NDUFS7: variants seen among roughly 807,000 people sequenced by gnomAD.
The protein encoded by NDUFS7 is NADH dehydrogenase [ubiquinone] iron-sulfur protein 7, mitochondrial.
NDUFS7 carries 11 observed loss-of-function variants against 31.1 expected under a neutral mutation model. The ratio of observed to expected loss-of-function variants is 0.35; its 90% CI spans 0.22 to 0.59. The LOEUF is 0.59. Among genes scored for constraint, NDUFS7 ranks in the 20% least tolerant of loss-of-function variants. The pLI, the probability that NDUFS7 is intolerant of heterozygous loss-of-function variation, is 0.79. For missense variants in NDUFS7, 263 were observed against 324.2 expected, an observed-to-expected ratio of 0.81 and a Z score of 1.45; for synonymous variants, 136 against 127.9, an observed-to-expected ratio of 1.06 and a Z score of -0.43.
intron 7 of NDUFS7, chr19:1,394,517 T>C (rs1469183126): frequency 2.0e-5 from 24 of 1,226,490 alleles, no homozygotes; most frequent in Non-Finnish European, 2.5e-5. Flanking sequence ...ACCGTGCTCC[T>C]CCCTCCCTCC....
At chr19:1,395,108 G>C (rs2082587236) in intron 7 of NDUFS7, 2 of 1,338,224 alleles carry the variant, frequency 1.5e-6, no homozygotes, top group Non-Finnish European at 1.9e-6. Context: ...CCGGGGGCCG[G>C]GTTAGTGAGG....
At chr19:1,389,178 T>TGCACACACAA (rs1399043027) in intron 4 of NDUFS7, 1 of 693,292 alleles carries the variant, frequency 1.4e-6, no homozygotes, top group Admixed American at 2.0e-5. Context: ...TGCACACACA[T>TGCACACACAA]GCACACACAA....
At position 1,388,825 on chromosome 19, in the gene NDUFS7, T is replaced by A; in HGVS notation, c.123-8T>A. The stretch of plus-strand genomic sequence containing the variant: ...GACGCCTCCTGTGCCCGTGTGTCTC[T>A]GTGCCAGCACCCAGCCTGCCCTGCC... On this transcript the variant is annotated splice_polypyrimidine_tract_variant and splice_region_variant and intron_variant, in intron 3 of 7. Coordinates refer to ENST00000233627, the MANE Select transcript of NDUFS7 (RefSeq NM_024407.5). 1 of 1,586,608 alleles carries A rather than the reference T, an allele frequency of 6.3e-7. No individual in the cohort carries two copies. The highest frequency in any genetic ancestry group is 1.1e-5 in the South Asian group (1 of 87,412).
chr19:1,395,276 C>T (rs1172529991), intron 7 of NDUFS7, 115 bp from the exon 8 acceptor site: 3 of 1,486,982 alleles, frequency 2.0e-6, no homozygotes, highest in African/African-American at 1.4e-5. Flanking sequence ...GGCTGTCAGC[C>T]TCCACCTTCA....
intron 7 of NDUFS7, chr19:1,394,777 C>T: frequency 1.7e-6 from 2 of 1,184,800 alleles, no homozygotes; most frequent in Non-Finnish European, 2.1e-6. Context: ...CTTTCCCAGG[C>T]CCTGCAGTGG....
intron 6 of NDUFS7, chr19:1,392,850 C>T (rs1035565008): frequency 5.3e-5 from 17 of 318,582 alleles, no homozygotes; most frequent in Non-Finnish European, 8.5e-5. Flanking sequence ...TGGACCCCAG[C>T]GCCTCACTGA....
chr19:1,388,471 G>A, intron 2 of NDUFS7, 54 bp from the exon 3 acceptor site: 2 of 1,521,906 alleles, frequency 1.3e-6, no homozygotes, highest in South Asian at 1.1e-5. Flanking sequence ...AGTGCGGCTG[G>A]GGGAGCTGGA....
At chr19:1,395,207 T>G (rs2144628534) in intron 7 of NDUFS7, 184 bp from the exon 8 acceptor site, 1 of 1,427,084 alleles carries the variant, frequency 7.0e-7, no homozygotes, top group Non-Finnish European at 9.1e-7. Context: ...AGGACCCCAC[T>G]CTTCCTGCAG....
intron 1 of NDUFS7, among the ~76,000 whole-genome samples, chr19:1,384,798 T>G (rs2082496774): frequency 6.6e-6 from 1 of 152,230 alleles, no homozygotes; most frequent in Non-Finnish European, 1.5e-5. Flanking sequence ...CGTATTTTGT[T>G]GTCTATGCTA....
chr19:1,387,530 G>A (rs1433934983), intron 1 of NDUFS7, among the ~76,000 whole-genome samples: 1 of 152,224 alleles, frequency 6.6e-6, no homozygotes, highest in Non-Finnish European at 1.5e-5. Flanking sequence ...CAGCCAGTGC[G>A]GGGGCCCTGG....
rs1046319305 is a variant in NDUFS7 at position 1,395,494 on chromosome 19, C to T, written c.*6C>T. The stretch of plus-strand genomic sequence containing the variant: ...AGATCTGGTACCGCAGGTAGCGCCG[C>T]CGCCGCCGCCGCCGGAGCCTGTCGC... On this transcript the variant is annotated 3_prime_UTR_variant, in exon 8 of 8. Coordinates refer to ENST00000233627, the MANE Select transcript of NDUFS7 (RefSeq NM_024407.5). 6.4e-7 allele frequency: 1 copy of T among 1,562,996 alleles called. No individual in the cohort carries two copies. The highest frequency in any genetic ancestry group is 1.2e-5 in the South Asian group (1 of 84,746).
At position 1,390,844 on chromosome 19, in the gene NDUFS7, C is replaced by A. The variant is rs757324088; in HGVS notation, c.229-27C>A. ...GGGCCACGCGGGGCTCCGGGGGTGG[C>A]GTCTGACCCGAGCCCGGCCTCCGCA... On this transcript the variant is annotated intron_variant, in intron 4 of 7. Coordinates refer to ENST00000233627, the MANE Select transcript of NDUFS7 (RefSeq NM_024407.5). 1.9e-6 allele frequency: 3 copies of A among 1,601,508 alleles called. No individual in the cohort carries two copies. The South Asian group carries it at 3.3e-5, about 18-fold the overall frequency.
rs907902871 is a variant in NDUFS7 at position 1,393,113 on chromosome 19, G to A, written c.456-129G>A. The stretch of plus-strand genomic sequence containing the variant: ...GTGCGTGTTTGCTCATTGCTTCTCC[G>A]TGACAAGTTCCAGCCTCGTAGGTGC... On this transcript the variant is annotated intron_variant, in intron 6 of 7. Coordinates refer to ENST00000233627, the MANE Select transcript of NDUFS7 (RefSeq NM_024407.5). The surrounding 1 kb of genome is among the most constrained non-coding windows in gnomAD (Gnocchi z 7.3). The A allele has an allele frequency of 2.3e-5, 17 of 728,330 alleles. No individual in the cohort carries two copies. Among genetic ancestry groups the A allele is most frequent in the Middle Eastern group, 3.2e-4 (1 of 3,100 alleles). 45.1% of individuals were successfully genotyped at this position (728,330 alleles called of 1,614,324 possible).
chr19:1,387,954 G>T lies in NDUFS7; in HGVS notation c.53+107G>T, dbSNP rs1003723799. On this transcript the variant is annotated intron_variant, in intron 2 of 7. Transcript: ENST00000233627. ...GGGGGAGCGCCTTGTTGAAGGTCAC[G>T]TGTCATGTTAGGGACAGGATGCAGG... The T allele has an allele frequency of 1.1e-5, 10 of 876,764 alleles. No homozygotes were observed. The Admixed American group carries it at 1.9e-4, about 16-fold the overall frequency. 54.3% of individuals were successfully genotyped at this position (876,764 alleles called of 1,614,324 possible).
At chr19:1,389,904 T>C (rs1173993191) in intron 4 of NDUFS7, 1 of 209,296 alleles carries the variant, frequency 4.8e-6, no homozygotes, top group Non-Finnish European at 9.8e-6. Context: ...TTTCTTTTCT[T>C]TTCTTTTTTT....
Position 1,388,790 on chromosome 19 carries a change from C to T in NDUFS7, c.123-43C>T, listed in dbSNP as rs778337126. 4 of 1,548,972 alleles carry T rather than the reference C, an allele frequency of 2.6e-6. No homozygotes were observed. The East Asian group carries it at 9.6e-5, about 37-fold the overall frequency. On this transcript the variant is annotated intron_variant, in intron 3 of 7. Transcript: ENST00000233627. Reference sequence around the variant, plus strand: ...GCTCGCATCCGCCTCTGGGAAGCACCTGCGTGGCTGACGCCTCCTGTGCCC... The same window carrying T: ...GCTCGCATCCGCCTCTGGGAAGCACTTGCGTGGCTGACGCCTCCTGTGCCC...
At chr19:1,388,133 C>T (rs1259918300) in intron 2 of NDUFS7, 2 of 596,420 alleles carry the variant, frequency 3.4e-6, no homozygotes, top group Admixed American at 5.7e-5. Flanking sequence ...ATTCTCTGAG[C>T]CCTGTGCAGA....
At position 1,383,912 on chromosome 19, in the gene NDUFS7, A is replaced by T; in HGVS notation, c.-15A>T. The T allele has an allele frequency of 6.3e-7, 1 of 1,581,102 alleles. No individual in the cohort carries two copies. The highest frequency in any genetic ancestry group is 8.6e-7 in the Non-Finnish European group (1 of 1,164,614). On this transcript the variant is annotated 5_prime_UTR_variant, in exon 1 of 8. Transcript: ENST00000233627. ...GAGAACGGACCTCAGAGGTTGTCTGAAGGCCGAGGCCAAGATGGCGGTGCT... is the reference window on the plus strand; with the variant it reads ...GAGAACGGACCTCAGAGGTTGTCTGTAGGCCGAGGCCAAGATGGCGGTGCT...
intron 7 of NDUFS7, chr19:1,394,763 C>T (rs769712550): frequency 4.4e-5 from 52 of 1,184,956 alleles, no homozygotes; most frequent in East Asian, 6.0e-5. Flanking sequence ...GGGGCCTGGC[C>T]GCCCTTTCCC....
Sources: gnomAD v4.1 joint callset for allele counts (sites outside exome capture counted in the v4.1 genomes callset) on GRCh38, gnomAD v4.1.1 for gene constraint, Gnocchi (gnomAD v3.1) non-coding constraint, MANE v1.5 for transcripts, NCBI Gene and HGNC (gene_info 2026-07-23, HGNC 2026-07-21) for gene names.